NINJ2: variants seen among roughly 807,000 people sequenced by gnomAD.
NINJ2 encodes ninjurin-2.
NINJ2 carries 12 observed loss-of-function variants against 11.7 expected under a neutral mutation model. The ratio of observed to expected loss-of-function variants is 1.02; its 90% CI spans 0.66 to 1.66. The LOEUF is 1.66. Ranked by LOEUF, NINJ2 falls within the 40% of genes most tolerant of loss-of-function variation. The probability of loss-of-function intolerance (pLI) is 0.00; values close to 1 mark genes in which losing one functional copy is unlikely to be tolerated. For missense variants in NINJ2, 187 were observed against 181.8 expected, an observed-to-expected ratio of 1.03 and a Z score of -0.16; for synonymous variants, 93 against 76.8, an observed-to-expected ratio of 1.21 and a Z score of -1.10.
chr12:610,539 G>A, intron 1 of NINJ2: 3 of 1,475,666 alleles, frequency 2.0e-6, no homozygotes, highest in Middle Eastern at 1.9e-4. Context: ...CCTGCATGCA[G>A]CAGATGCCCA....
intron 1 of NINJ2, among the ~76,000 whole-genome samples, chr12:660,963 A>C (rs1937950220): frequency 6.6e-6 from 1 of 152,210 alleles, no homozygotes; most frequent in Non-Finnish European, 1.5e-5. Context: ...TCCATCTCAA[A>C]AAAAACTGTA....
chr12:657,355 T>C (rs976344212), intron 1 of NINJ2, among the ~76,000 whole-genome samples: 43 of 152,052 alleles, frequency 2.8e-4, no homozygotes, highest in African/African-American at 8.9e-4. Flanking sequence ...TTTGGGAGGC[T>C]GAGGCGGGTG....
At chr12:604,416 T>A (rs1331617953) in intron 1 of NINJ2, among the ~76,000 whole-genome samples, 1 of 152,028 alleles carries the variant, frequency 6.6e-6, no homozygotes, top group East Asian at 1.9e-4. Flanking sequence ...GGCGGGCGGA[T>A]CACTTGAGGT....
intron 1 of NINJ2, among the ~76,000 whole-genome samples, chr12:606,781 C>A (rs545572493): frequency 6.6e-6 from 1 of 152,122 alleles, no homozygotes; most frequent in South Asian, 2.1e-4. Flanking sequence ...GGAAGGTGTG[C>A]GCCACCAAAA....
intron 1 of NINJ2, among the ~76,000 whole-genome samples, chr12:624,944 A>T (rs1948195848): frequency 6.6e-6 from 1 of 151,920 alleles, no homozygotes; most frequent in African/African-American, 2.4e-5. Context: ...CCCCGTCTTT[A>T]CTAAAAATAC....
At chr12:576,211 C>G (rs1478813813) in intron 1 of NINJ2, among the ~76,000 whole-genome samples, 2 of 152,224 alleles carry the variant, frequency 1.3e-5, no homozygotes, top group Non-Finnish European at 2.9e-5. Flanking sequence ...GGGCCTAAAG[C>G]TGCAGCACCG....
chr12:565,836 G>A (rs754001370), intron 2 of NINJ2, 114 bp downstream of exon 2: 12 of 899,100 alleles, frequency 1.3e-5, no homozygotes, highest in Admixed American at 1.9e-5. Context: ...GCAGGTCAGC[G>A]TGTGGTTGCA....
At chr12:596,025 G>A (rs538364123) in intron 1 of NINJ2, among the ~76,000 whole-genome samples, 1 of 152,312 alleles carries the variant, frequency 6.6e-6, no homozygotes, top group East Asian at 1.9e-4. Context: ...AATGCTGCAA[G>A]GATGTGGAAC....
intron 1 of NINJ2, among the ~76,000 whole-genome samples, chr12:582,326 A>G: frequency 8.0e-6 from 1 of 124,846 alleles, no homozygotes; most frequent in Admixed American, 8.1e-5. Flanking sequence ...TGAATGAATG[A>G]ATGGACGCAG....
chr12:582,330 GACGCAGGCAGGCAGGC>G (rs1947567256), intron 1 of NINJ2, among the ~76,000 whole-genome samples: 3 of 126,126 alleles, frequency 2.4e-5, no homozygotes, highest in Admixed American at 8.0e-5. Context: ...TGAATGAATG[GACGCAGGCAGGCAGGC>G]ATGCTAGAGT....
intron 1 of NINJ2, among the ~76,000 whole-genome samples, chr12:584,360 G>A (rs1355601305): frequency 6.6e-6 from 1 of 152,014 alleles, no homozygotes; most frequent in Non-Finnish European, 1.5e-5. Context: ...GAAACATAAC[G>A]AGACCCTGTC....
Position 565,398 on chromosome 12 carries a change from C to T in NINJ2, c.266G>A (p.Arg89Gln), listed in dbSNP as rs765113142. Residue 89 changes from arginine to glutamine, a missense_variant, in exon 3 of 4, where the codon CGG (arginine) becomes CAG (glutamine). Coordinates refer to ENST00000305108, the MANE Select transcript of NINJ2 (RefSeq NM_016533.6). ...VIGVLLVVIA[R>Q]LNLNEVEKQW... The stretch of plus-strand genomic sequence containing the variant: ...CTTTTCTACCTCATTCAGGTTCAGC[C>T]GTGCTGCAGGGAAGTGGAGTGGGGG... 3.1e-6 allele frequency: 5 copies of T among 1,613,756 alleles called. No individual in the cohort carries two copies. Among genetic ancestry groups the T allele is most frequent in the African/African-American group, 2.7e-5 (2 of 74,930 alleles).
At chr12:575,863 G>A (rs1211515530) in intron 1 of NINJ2, among the ~76,000 whole-genome samples, 1 of 152,222 alleles carries the variant, frequency 6.6e-6, no homozygotes, top group Non-Finnish European at 1.5e-5. Flanking sequence ...TGCAGGGAGA[G>A]CCCTTTTTCC....
intron 1 of NINJ2, among the ~76,000 whole-genome samples, chr12:629,522 C>T (rs1156775397): frequency 1.3e-5 from 2 of 152,168 alleles, no homozygotes; most frequent in African/African-American, 2.4e-5. Flanking sequence ...CAACCCACAG[C>T]CTGTGGGCCC....
At chr12:623,519 T>C (rs1469475808) in intron 1 of NINJ2, among the ~76,000 whole-genome samples, 1 of 152,156 alleles carries the variant, frequency 6.6e-6, no homozygotes, top group Non-Finnish European at 1.5e-5. Flanking sequence ...TCATCCAAAC[T>C]CCGAATCTAA....
intron 1 of NINJ2, among the ~76,000 whole-genome samples, chr12:612,730 G>A (rs1948048823): frequency 6.6e-6 from 1 of 152,134 alleles, no homozygotes. Context: ...AGATGCTTTA[G>A]GTTCCTTTCT....
intron 1 of NINJ2, among the ~76,000 whole-genome samples, 181 bp from the exon 2 acceptor site, chr12:566,359 CCT>C (rs978501382): frequency 2.6e-5 from 4 of 152,314 alleles, no homozygotes; most frequent in African/African-American, 9.6e-5. Flanking sequence ...CCCATAAGGA[CCT>C]CTGCACTCTG....
At chr12:658,717 TATGCTATGCTA>T (rs1372798594) in intron 1 of NINJ2, among the ~76,000 whole-genome samples, 3 of 136,150 alleles carry the variant, frequency 2.2e-5, no homozygotes, top group African/African-American at 5.3e-5. Flanking sequence ...TATGCTATGC[TATGCTATGCTA>T]ATGCTATGCT....
rs1381705239 is a variant in NINJ2, at chr12:640,472, C to A, written c.33+22856G>T. Among the ~76,000 whole-genome samples, 1 of 152,176 alleles carries A rather than the reference C, an allele frequency of 6.6e-6. No homozygotes were observed. Among genetic ancestry groups the A allele is most frequent in the African/African-American group, 2.4e-5 (1 of 41,438 alleles). On this transcript the variant is annotated intron_variant, in intron 1 of 3. Transcript: ENST00000305108. This position sits in a 1 kb window ranked among gnomAD's most constrained non-coding sequence, Gnocchi z 4.0. The stretch of plus-strand genomic sequence containing the variant: ...GTCCCAACTACAGTCATTAATTCAT[C>A]CCTGGTACTTGACTTCTATTCCTCC...
Sources: gnomAD v4.1 joint callset for allele counts (sites outside exome capture counted in the v4.1 genomes callset) on GRCh38, gnomAD v4.1.1 for gene constraint, Gnocchi (gnomAD v3.1) non-coding constraint, MANE v1.5 for transcripts, NCBI Gene and HGNC (gene_info 2026-07-23, HGNC 2026-07-21) for gene names.